SLC28A1: variants seen among roughly 807,000 people sequenced by gnomAD.
SLC28A1 encodes sodium/nucleoside cotransporter 1.
Under a neutral mutation model 74.8 loss-of-function variants are expected in SLC28A1, and 64 were observed. The observed-to-expected ratio is 0.86, with a 90% CI of 0.70 to 1.05. The LOEUF (loss-of-function observed/expected upper bound fraction) is 1.05, where lower values mean the gene tolerates loss of function less well. Among genes scored for constraint, SLC28A1 ranks in the 50% least tolerant of loss-of-function variants. The probability of loss-of-function intolerance (pLI) is 0.00; values close to 1 mark genes in which losing one functional copy is unlikely to be tolerated. For synonymous variants in SLC28A1, 359 were observed against 335.0 expected (o/e 1.07, Z -0.78); for missense variants, 828 against 822.8 (o/e 1.01, Z -0.08).
downstream of SLC28A1, among the ~76,000 whole-genome samples, chr15:84,946,110 ATATTTTTTT>A (rs2079215418): frequency 1.0e-4 from 1 of 9,596 alleles, no homozygotes; most frequent in African/African-American, 2.9e-4. Context: ...ATATATATAT[ATATTTTTTT>A]TTTTTTTTTT....
intron 6 of SLC28A1, among the ~76,000 whole-genome samples, chr15:84,898,000 G>A (rs758204414): frequency 1.3e-5 from 2 of 152,092 alleles, no homozygotes; most frequent in African/African-American, 2.4e-5. Flanking sequence ...ATTCCATTGT[G>A]TATATACACC....
At chr15:84,924,471 C>A (rs2141940887) in intron 12 of SLC28A1, among the ~76,000 whole-genome samples, 1 of 152,276 alleles carries the variant, frequency 6.6e-6, no homozygotes, top group South Asian at 2.1e-4. Context: ...TTTCTCCAGT[C>A]TCACACCTGG....
Position 84,895,070 on chromosome 15 carries a change from G to A in SLC28A1, c.408G>A (p.Leu136=). 1 of 1,600,166 alleles carries A rather than the reference G, an allele frequency of 6.2e-7. No homozygotes were observed. ...TGAAACGGCTTCTGGGGCCAAAGCT[G>A]AGGAGGTTTCTCAAGCCTCAGGGCC... ...RLLKRLLGPK[L]RRFLKPQGHP... The change falls in exon 6 of 19, where the codon CTG becomes CTA. Residue 136 remains leucine (L), a synonymous_variant. Coordinates refer to ENST00000394573, the MANE Select transcript of SLC28A1 (RefSeq NM_004213.5).
rs557834667 is a variant in SLC28A1, at chr15:84,906,504, G to C, written c.717+852G>C. 3.9e-3 allele frequency among the ~76,000 whole-genome samples: 42 copies of C among 10,646 alleles called. No homozygotes were observed. The South Asian group carries it at 0.13, about 34-fold the overall frequency. The allele number at this position is 10,646 out of a possible 152,430, so 7.0% of individuals were successfully genotyped here. A position where few individuals can be genotyped will look rare whatever the true frequency, so the allele number is the denominator to read the frequency against. ...TGCCAAGCTAATTAAAACATGGTTTGTTTGTTTGTTTGTTTGTTTGTTTGT... is the reference window on the plus strand; with the variant it reads ...TGCCAAGCTAATTAAAACATGGTTTCTTTGTTTGTTTGTTTGTTTGTTTGT... On this transcript the variant is annotated intron_variant, in intron 8 of 18. Coordinates refer to ENST00000394573, the MANE Select transcript of SLC28A1 (RefSeq NM_004213.5).
chr15:84,887,973 C>T lies in SLC28A1; in HGVS notation c.96+117C>T, dbSNP rs535305862. 2.1e-3 allele frequency: 1,548 copies of T among 753,106 alleles called. 8 individuals carry two copies. The highest frequency in any genetic ancestry group is 2.6e-3 in the Non-Finnish European group (1,078 of 418,932). 46.7% of individuals were successfully genotyped at this position (753,106 alleles called of 1,614,324 possible). A position where few individuals can be genotyped will look rare whatever the true frequency, so the allele number is the denominator to read the frequency against. ...TCCCTCATACCCCATTCTTCTGCCC[C>T]CTTCTCACCTCTTTGCTGGCACAGT... On this transcript the variant is annotated intron_variant, in intron 3 of 18. Transcript: ENST00000394573.
At chr15:84,944,381 TA>T (rs1973069138) in intron 16 of SLC28A1, among the ~76,000 whole-genome samples, 184 bp from the exon 17 acceptor site, 1 of 152,094 alleles carries the variant, frequency 6.6e-6, no homozygotes, top group African/African-American at 2.4e-5. Flanking sequence ...GGGCATTGCC[TA>T]GGGGTCCAAG....
At chr15:84,911,359 T>C (rs557869009) in intron 9 of SLC28A1, among the ~76,000 whole-genome samples, 4 of 152,334 alleles carry the variant, frequency 2.6e-5, no homozygotes, top group African/African-American at 9.6e-5. Flanking sequence ...CCCTTTTGTA[T>C]TACTGATGGT....
chr15:84,900,911 G>GAAGGAAGGAAGGAAGGAAGGAAGT (rs1178592160), intron 6 of SLC28A1, among the ~76,000 whole-genome samples: 5 of 121,954 alleles, frequency 4.1e-5, no homozygotes, highest in African/African-American at 1.4e-4. Context: ...AGGAAGGAAG[G>GAAGGAAGGAAGGAAGGAAGGAAGT]AAGTTAGTTG....
chr15:84,930,461 G>A (rs1465800702), intron 12 of SLC28A1, among the ~76,000 whole-genome samples: 2 of 152,092 alleles, frequency 1.3e-5, no homozygotes, highest in South Asian at 2.1e-4. Context: ...AAGTTTTGTC[G>A]ATCTTTAAAA....
intron 6 of SLC28A1, chr15:84,895,665 C>G: frequency 7.0e-7 from 1 of 1,421,346 alleles, no homozygotes; most frequent in Non-Finnish European, 9.2e-7. Context: ...AGGGAAAATT[C>G]AGACTTCCCG....
intron 9 of SLC28A1, among the ~76,000 whole-genome samples, chr15:84,913,343 G>A (rs1236637582): frequency 6.6e-6 from 1 of 151,848 alleles, no homozygotes; most frequent in Non-Finnish European, 1.5e-5. Flanking sequence ...AAGTCAGCAG[G>A]AGCCCTGGCT....
chr15:84,942,174 A>G (rs1972795398), intron 15 of SLC28A1, among the ~76,000 whole-genome samples: 1 of 152,156 alleles, frequency 6.6e-6, no homozygotes. Context: ...GTAGGTGTAA[A>G]TATTTATGAG....
At chr15:84,904,302 G>T (rs1966857392) in intron 7 of SLC28A1, 64 bp downstream of exon 7, 3 of 1,607,354 alleles carry the variant, frequency 1.9e-6, no homozygotes, top group East Asian at 2.2e-5. Flanking sequence ...CCCTAGGCTG[G>T]ATCTGGGAGC....
At chr15:84,973,025 A>C in the SLC28A1 span, among the ~76,000 whole-genome samples, 2 of 152,146 alleles carry the variant, frequency 1.3e-5, no homozygotes, top group Non-Finnish European at 2.9e-5. Context: ...TCCAAGGCTA[A>C]GGACCAAAGT....
At chr15:84,955,149 C>T in the SLC28A1 span, among the ~76,000 whole-genome samples, 1 of 152,184 alleles carries the variant, frequency 6.6e-6, no homozygotes, top group Admixed American at 6.5e-5. Flanking sequence ...AAGTGCCAGA[C>T]ACGAGCGAAA....
In SLC28A1 at chr15:84,944,847, C is replaced by T; in HGVS notation, c.1854C>T (p.Cys618=). Residue 618 remains cysteine (C), a synonymous_variant, in exon 18 of 19, where the codon TGC becomes TGT. Transcript: ENST00000394573. ...LSSSSFEIYQ[C]CREAFQSVNP... ...GCAGTAGCTTTGAGATTTACCAGTG[C>T]TGCCGTGAGGCCTTCCAGAGGTGAG... 6.2e-7 allele frequency: 1 copy of T among 1,613,136 alleles called. No homozygotes were observed. The highest frequency in any genetic ancestry group is 8.5e-7 in the Non-Finnish European group (1 of 1,179,156).
At chr15:84,912,425 A>C (rs982313731) in intron 9 of SLC28A1, among the ~76,000 whole-genome samples, 1 of 152,132 alleles carries the variant, frequency 6.6e-6, no homozygotes, top group Non-Finnish European at 1.5e-5. Context: ...TCTGGGGGGA[A>C]GTAAAGTCTC....
At chr15:84,964,848 G>A in the SLC28A1 span, among the ~76,000 whole-genome samples, 1 of 152,232 alleles carries the variant, frequency 6.6e-6, no homozygotes, top group South Asian at 2.1e-4. Context: ...AGAGGCCCAT[G>A]CTGTAGCTGC....
At chr15:84,964,235 G>A in the SLC28A1 span, among the ~76,000 whole-genome samples, 2 of 147,196 alleles carry the variant, frequency 1.4e-5, no homozygotes, top group East Asian at 4.7e-4. Context: ...GTCTAGTGAG[G>A]GAGGAAGGGA....
Sources: gnomAD v4.1 joint callset for allele counts (sites outside exome capture counted in the v4.1 genomes callset) on GRCh38, gnomAD v4.1.1 for gene constraint, MANE v1.5 for transcripts, NCBI Gene and HGNC (gene_info 2026-07-23, HGNC 2026-07-21) for gene names.